LMO7: variants seen among roughly 807,000 people sequenced by gnomAD.
LMO7 encodes LIM domain 7, also known as LIM domain only protein 7.
Under a neutral mutation model 206.5 loss-of-function variants are expected in LMO7, and 120 were observed. The observed-to-expected ratio is 0.58, with a 90% CI of 0.50 to 0.68. The LOEUF (loss-of-function observed/expected upper bound fraction) is 0.68. Among genes scored for constraint, LMO7 ranks in the 30% least tolerant of loss-of-function variants. The pLI is 0.00. For missense variants in LMO7, 1,959 were observed against 1,957.9 expected, an observed-to-expected ratio of 1.00 and a Z score of -0.01; for synonymous variants, 706 against 681.5, an observed-to-expected ratio of 1.04 and a Z score of -0.56.
chr13:75,633,901 G>A (rs2035369557), upstream of LMO7, among the ~76,000 whole-genome samples: 1 of 137,708 alleles, frequency 7.3e-6, no homozygotes, highest in Non-Finnish European at 1.5e-5. Context: ...AGGCTGGAGT[G>A]CAGTGGTGTG....
At chr13:75,731,015 C>G (rs1243591986) in intron 3 of LMO7, among the ~76,000 whole-genome samples, 1 of 151,460 alleles carries the variant, frequency 6.6e-6, no homozygotes, top group Non-Finnish European at 1.5e-5. Flanking sequence ...AATTTCTGTT[C>G]TTTTACATTT....
intron 3 of LMO7, among the ~76,000 whole-genome samples, chr13:75,728,475 G>GT (rs1213564798): frequency 6.9e-6 from 1 of 144,428 alleles, no homozygotes; most frequent in African/African-American, 2.7e-5. Context: ...GGGGTTGTTT[G>GT]TTTTTTTTCT....
At chr13:75,766,540 C>T (rs946832507) in intron 4 of LMO7, among the ~76,000 whole-genome samples, 3 of 83,684 alleles carry the variant, frequency 3.6e-5, no homozygotes, top group African/African-American at 4.9e-5. Context: ...TGGAGACCTG[C>T]CCTCAGTGGG....
intron 30 of LMO7, chr13:75,857,106 A>G (rs2061023462): frequency 6.6e-6 from 1 of 152,358 alleles, no homozygotes; most frequent in Non-Finnish European, 1.5e-5. Flanking sequence ...ATGTCAATAT[A>G]TAATTTTAAA....
chr13:75,786,985 G>A (rs2052545234), intron 4 of LMO7, among the ~76,000 whole-genome samples: 1 of 152,168 alleles, frequency 6.6e-6, no homozygotes. Flanking sequence ...GTGTTTTCTG[G>A]TTGGGATCTG....
In LMO7 at chr13:75,850,808, C is replaced by CT. The variant is rs555828876; in HGVS notation, c.4364+1528dup. Among the ~76,000 whole-genome samples the CT allele has an allele frequency of 1.9e-3, 274 of 145,410 alleles. 1 individual carries two copies. The highest frequency in any genetic ancestry group is 0.014 in the Middle Eastern group (4 of 290). ...GCCACATAGGTTTCTGCCACACATT[C>CT]TTTTTTTTTTTTAAGACTCTTTGAA... On this transcript the variant is annotated intron_variant, in intron 27 of 30. Transcript: ENST00000377534.
intron 3 of LMO7, among the ~76,000 whole-genome samples, chr13:75,752,761 G>A (rs907003150): frequency 2.6e-5 from 4 of 152,212 alleles, no homozygotes; most frequent in Non-Finnish European, 1.5e-5. Flanking sequence ...CAAAAGACAT[G>A]ATTTCATTTT....
chr13:75,759,999 T>C (rs1018795906), intron 3 of LMO7, among the ~76,000 whole-genome samples: 1 of 151,972 alleles, frequency 6.6e-6, no homozygotes, highest in Non-Finnish European at 1.5e-5. Flanking sequence ...ACAGTTAATA[T>C]GGAGAACCCG....
rs561808935 is a variant in LMO7, at chr13:75,836,566, T to C, written c.3394+109T>C. On this transcript the variant is annotated intron_variant, in intron 19 of 30. Transcript: ENST00000377534. ...GTGAGTGAAAGAAAAAGTGATCCAC[T>C]GCAAGTTGAAACTAAAAGGTTAACA... 11 of 637,416 alleles carry C rather than the reference T, an allele frequency of 1.7e-5. No individual in the cohort carries two copies. The South Asian group carries it at 2.3e-4, about 14-fold the overall frequency. 39.5% of individuals were successfully genotyped at this position (637,416 alleles called of 1,614,324 possible).
At chr13:75,702,466 G>A (rs17064928) in intron 1 of LMO7, among the ~76,000 whole-genome samples, 3,134 of 152,324 alleles carry the variant, frequency 0.021, 120 homozygotes, top group African/African-American at 0.068. Context: ...GGAAGACTGC[G>A]AGTTGGCTTT....
intron 9 of LMO7, chr13:75,806,228 C>T: frequency 1.0e-6 from 1 of 991,664 alleles, no homozygotes. Context: ...TCCCATGCAG[C>T]CAGGAGAAGC....
intron 7 of LMO7, among the ~76,000 whole-genome samples, chr13:75,801,351 A>C (rs573861444): frequency 4.1e-4 from 62 of 152,324 alleles, no homozygotes; most frequent in African/African-American, 1.4e-3. Context: ...AATTATTTCT[A>C]TAGATGAGAA....
chr13:75,835,250 T>A lies in LMO7; in HGVS notation c.3244T>A (p.Trp1082Arg), dbSNP rs1312688090. Residue 1082 changes from tryptophan (W) to arginine (R), a missense_variant, in exon 18 of 31, where the codon TGG (tryptophan) becomes AGG (arginine). Coordinates refer to ENST00000377534, the MANE Select transcript of LMO7 (RefSeq NM_001306080.2). ...YGKAGSPETK[W>R]IDATSGIYNS... The stretch of plus-strand genomic sequence containing the variant: ...AATTATAGGTTCACCTGAAACAAAG[T>A]GGATTGATGCAACTTCTGGAATTTA... 5 of 1,612,040 alleles carry A rather than the reference T, an allele frequency of 3.1e-6. No individual in the cohort carries two copies. The African/African-American group carries it at 5.3e-5, about 17-fold the overall frequency.
At position 75,756,527 on chromosome 13, in the gene LMO7, G is replaced by A. The variant is rs951886836; in HGVS notation, c.211-4405G>A. 2.0e-5 allele frequency among the ~76,000 whole-genome samples: 3 copies of A among 152,174 alleles called. No individual in the cohort carries two copies. In the East Asian group the frequency reaches 5.8e-4, roughly 29 times the overall value. ...AGAGGGTGTAGCCAAAAACCATGAAGTATTACCTGGCCTTGAGTCTTCATG... is the reference window on the plus strand; with the variant it reads ...AGAGGGTGTAGCCAAAAACCATGAAATATTACCTGGCCTTGAGTCTTCATG... On this transcript the variant is annotated intron_variant, in intron 3 of 30. Transcript: ENST00000377534.
At chr13:75,806,364 A>G (rs937755816) in intron 9 of LMO7, 15 of 483,910 alleles carry the variant, frequency 3.1e-5, no homozygotes, top group Admixed American at 6.3e-5. Flanking sequence ...GCACTGAATC[A>G]GGAAACCTGA....
chr13:75,683,582 T>C (rs1255166762), intron 1 of LMO7, among the ~76,000 whole-genome samples: 1 of 152,216 alleles, frequency 6.6e-6, no homozygotes, highest in African/African-American at 2.4e-5. Flanking sequence ...CTTAAGTATA[T>C]ACCTTGGCAA....
At chr13:75,725,523 GA>G (rs538726519) in intron 2 of LMO7, among the ~76,000 whole-genome samples, 3 of 152,012 alleles carry the variant, frequency 2.0e-5, no homozygotes, top group Non-Finnish European at 4.4e-5. Context: ...CAGAAATATA[GA>G]AATACCTTGT....
chr13:75,834,524 T>C (rs1218531077), intron 17 of LMO7, 137 bp downstream of exon 17: 1 of 588,402 alleles, frequency 1.7e-6, no homozygotes, highest in Non-Finnish European at 2.8e-6. Flanking sequence ...AGTTACGTCA[T>C]GACAAATCTT....
intron 4 of LMO7, among the ~76,000 whole-genome samples, chr13:75,779,213 A>G (rs929701322): frequency 6.6e-6 from 1 of 152,080 alleles, no homozygotes; most frequent in Non-Finnish European, 1.5e-5. Context: ...GCACTTAAGA[A>G]CTTATCAAAC....
Sources: gnomAD v4.1 joint callset for allele counts (sites outside exome capture counted in the v4.1 genomes callset) on GRCh38, gnomAD v4.1.1 for gene constraint, MANE v1.5 for transcripts, NCBI Gene and HGNC (gene_info 2026-07-23, HGNC 2026-07-21) for gene names.